The following R3HDM1 variants were observed in gnomAD, a reference collection of about 807,000 sequenced individuals.
R3HDM1 encodes the protein R3H domain containing 1, also known as R3H domain-containing protein 1.
Under a neutral mutation model 141.1 loss-of-function variants are expected in R3HDM1, and 46 were observed. The observed-to-expected ratio is 0.33, with a 90% CI of 0.26 to 0.42. R3HDM1 has a LOEUF of 0.42. R3HDM1 is among the 10% of genes least tolerant of loss of function. The pLI, the probability that R3HDM1 is intolerant of heterozygous loss-of-function variation, is 1.00. For synonymous variants in R3HDM1, 435 were observed against 472.9 expected, an observed-to-expected ratio of 0.92 and a Z score of 1.04; for missense variants, 1,184 against 1,368.3, an observed-to-expected ratio of 0.87 and a Z score of 2.12.
chr2:135,559,251 A>G (rs576103338), intron 1 of R3HDM1: 142 of 159,342 alleles, frequency 8.9e-4, no homozygotes, highest in African/African-American at 3.3e-3. Context: ...AGCTGGGACT[A>G]CAGGCACATG....
chr2:135,697,979 G>A (rs2073515866), intron 21 of R3HDM1, among the ~76,000 whole-genome samples: 1 of 150,876 alleles, frequency 6.6e-6, no homozygotes. Flanking sequence ...CTTAAACCTG[G>A]GAGGCGGAGG....
Position 135,638,719 on chromosome 2 carries a change from T to A in R3HDM1, c.942-20T>A, listed in dbSNP as rs1291899896. 6.2e-7 allele frequency: 1 copy of A among 1,613,658 alleles called. No homozygotes were observed. Among genetic ancestry groups the A allele is most frequent in the Non-Finnish European group, 8.5e-7 (1 of 1,179,798 alleles). On this transcript the variant is annotated intron_variant, in intron 12 of 26. Coordinates refer to ENST00000683871, the MANE Select transcript of R3HDM1 (RefSeq NM_001378107.1). ...ACTGATGCTAATAAAAATTAAAATGTCCTATTAAAATGCCAACAGACTCCA... is the reference window on the plus strand; with the variant it reads ...ACTGATGCTAATAAAAATTAAAATGACCTATTAAAATGCCAACAGACTCCA...
At chr2:135,681,195 C>T (rs2070233633) in intron 21 of R3HDM1, among the ~76,000 whole-genome samples, 1 of 152,142 alleles carries the variant, frequency 6.6e-6, no homozygotes, top group Non-Finnish European at 1.5e-5. Context: ...GAATGTATTA[C>T]CAAACCATTC....
In R3HDM1 at chr2:135,602,582, C is replaced by A. The variant is rs995091833; in HGVS notation, c.-167C>A. The A allele has an allele frequency of 2.6e-6, 4 of 1,539,584 alleles. No homozygotes were observed. The East Asian group carries it at 7.4e-5, about 29-fold the overall frequency. ...ACAGTGGTGACAAGGACATGGGACT[C>A]CTCCTGCCAGATTACAGATGGTTCA... On this transcript the variant is annotated 5_prime_UTR_variant, in exon 2 of 27. Transcript: ENST00000683871.
intron 1 of R3HDM1, among the ~76,000 whole-genome samples, chr2:135,564,865 T>C (rs1001967218): frequency 1.3e-5 from 2 of 152,264 alleles, no homozygotes; most frequent in African/African-American, 4.8e-5. Flanking sequence ...GTATATTTTC[T>C]ACATTGCCTG....
chr2:135,659,049 CTGTGTGTGTGTG>C (rs548436817), intron 18 of R3HDM1, among the ~76,000 whole-genome samples: 60 of 126,494 alleles, frequency 4.7e-4, no homozygotes, highest in African/African-American at 1.3e-3. Context: ...CTACCTGAGT[CTGTGTGTGTGTG>C]TGTGTGTGTG....
chr2:135,581,487 C>T (rs1363660892), intron 1 of R3HDM1: 5 of 779,452 alleles, frequency 6.4e-6, no homozygotes, highest in Non-Finnish European at 6.2e-6. Flanking sequence ...ACCTGACTGA[C>T]TAATACCACA....
At chr2:135,700,985 T>C in intron 21 of R3HDM1, among the ~76,000 whole-genome samples, 1 of 152,192 alleles carries the variant, frequency 6.6e-6, no homozygotes, top group East Asian at 1.9e-4. Context: ...ATGCCTCCGA[T>C]AAAGTTTTAA....
chr2:135,543,031 C>T, intron 1 of R3HDM1: 1 of 932,414 alleles, frequency 1.1e-6, no homozygotes, highest in Non-Finnish European at 1.3e-6. Flanking sequence ...AGCCACTGTC[C>T]CTGGTCTAAA....
At chr2:135,603,829 ACTCCTGAG>A (rs2059823764) in intron 2 of R3HDM1, among the ~76,000 whole-genome samples, 1 of 151,438 alleles carries the variant, frequency 6.6e-6, no homozygotes, top group South Asian at 2.1e-4. Flanking sequence ...CTTGTTTTGA[ACTCCTGAG>A]CTCAAGCAAT....
At chr2:135,714,787 A>G (rs73958615) in intron 23 of R3HDM1, among the ~76,000 whole-genome samples, 19,243 of 151,838 alleles carry the variant, frequency 0.13, 1,597 homozygotes, top group East Asian at 0.35. Context: ...ACACACACAC[A>G]CACAGAGAAA....
intron 1 of R3HDM1, among the ~76,000 whole-genome samples, chr2:135,549,571 A>AAC (rs1012925737): frequency 1.3e-5 from 2 of 151,288 alleles, no homozygotes; most frequent in African/African-American, 4.9e-5. Context: ...CAAAAAAAAA[A>AAC]AAAAAAAAAA....
intron 24 of R3HDM1, among the ~76,000 whole-genome samples, chr2:135,719,409 C>T (rs942503953): frequency 1.3e-5 from 2 of 151,094 alleles, no homozygotes; most frequent in Non-Finnish European, 2.9e-5. Context: ...ACCTGGGAGG[C>T]AGAGGTTGCA....
rs192199152 is a variant in R3HDM1, at chr2:135,637,309, T to C, written c.903+1126T>C. On this transcript the variant is annotated intron_variant, in intron 11 of 26. Transcript: ENST00000683871. Reference sequence around the variant, plus strand: ...AAGAGTTCCAAGTCGAGAGTCAGTATGTACAGAGGCCCAGAGGTAAGGGAG... The same window carrying C: ...AAGAGTTCCAAGTCGAGAGTCAGTACGTACAGAGGCCCAGAGGTAAGGGAG... Among the ~76,000 whole-genome samples, 209 of 152,204 alleles carry C rather than the reference T, an allele frequency of 1.4e-3. 1 individual carries two copies. Among genetic ancestry groups the C allele is most frequent in the African/African-American group, 4.8e-3 (201 of 41,526 alleles).
intron 20 of R3HDM1, among the ~76,000 whole-genome samples, chr2:135,679,010 C>T (rs1422654581): frequency 6.6e-6 from 1 of 151,168 alleles, no homozygotes; most frequent in African/African-American, 2.4e-5. Context: ...CTGCCCACCT[C>T]AGCCTCCCAA....
chr2:135,569,557 G>A (rs972463282), intron 1 of R3HDM1, among the ~76,000 whole-genome samples: 1 of 151,986 alleles, frequency 6.6e-6, no homozygotes, highest in African/African-American at 2.4e-5. Flanking sequence ...TATAGAGCCA[G>A]ACCACTCACT....
At chr2:135,665,086 A>G (rs1185178122) in intron 19 of R3HDM1, among the ~76,000 whole-genome samples, 1 of 152,254 alleles carries the variant, frequency 6.6e-6, no homozygotes, top group African/African-American at 2.4e-5. Context: ...CTTGGCAACC[A>G]ACTGTCAATA....
rs1386274871 is a variant in R3HDM1 at position 135,724,477 on chromosome 2, A to G, written c.*185A>G. The stretch of plus-strand genomic sequence containing the variant: ...AAAAATATGCATTTCACCCCACATG[A>G]CTAGGAATCCACATCAGAATGATAC... On this transcript the variant is annotated 3_prime_UTR_variant, in exon 27 of 27. Transcript: ENST00000683871. 1 of 534,792 alleles carries G rather than the reference A, an allele frequency of 1.9e-6. No homozygotes were observed. 33.1% of individuals were successfully genotyped at this position (534,792 alleles called of 1,614,324 possible).
intron 5 of R3HDM1, among the ~76,000 whole-genome samples, chr2:135,618,944 C>T (rs1203482011): frequency 6.6e-6 from 1 of 151,106 alleles, no homozygotes; most frequent in Admixed American, 6.6e-5. Context: ...CGCTTGAACC[C>T]AGGAGGCAGA....
Sources: allele counts gnomAD v4.1 joint callset (sites outside exome capture counted in the v4.1 genomes callset), GRCh38; gene constraint gnomAD v4.1.1; transcripts MANE v1.5; gene names NCBI Gene and HGNC (gene_info 2026-07-23, HGNC 2026-07-21).